The following EXOC4 variants were observed in gnomAD, a reference collection of about 807,000 sequenced individuals.
EXOC4 encodes the protein SEC8-like 1.
EXOC4 carries 71 observed loss-of-function variants against 107.2 expected under a neutral mutation model. That is an observed-to-expected ratio of 0.66 (90% CI 0.55 to 0.81). The LOEUF is 0.81. Among genes scored for constraint, EXOC4 ranks in the 30% least tolerant of loss-of-function variants. EXOC4 has a pLI of 0.00. For missense variants in EXOC4, 1,108 were observed against 1,189.6 expected (o/e 0.93, Z 1.01); for synonymous variants, 456 against 441.2 (o/e 1.03, Z -0.42).
At chr7:133,585,521 G>A (rs1563117101) in intron 9 of EXOC4, among the ~76,000 whole-genome samples, 1 of 152,038 alleles carries the variant, frequency 6.6e-6, no homozygotes, top group Non-Finnish European at 1.5e-5. Context: ...CAGTTACTCG[G>A]AAGGCTGGGT....
chr7:133,803,365 A>T (rs1034002504), intron 10 of EXOC4, among the ~76,000 whole-genome samples: 5 of 152,160 alleles, frequency 3.3e-5, no homozygotes, highest in African/African-American at 1.2e-4. Context: ...TTATTTTTTT[A>T]AATGTACAAA....
chr7:133,414,770 A>G (rs1469724565), intron 7 of EXOC4, among the ~76,000 whole-genome samples: 2 of 152,134 alleles, frequency 1.3e-5, no homozygotes, highest in Non-Finnish European at 2.9e-5. Flanking sequence ...TTTTTGAGAT[A>G]TAAGTTTGAT....
intron 10 of EXOC4, among the ~76,000 whole-genome samples, chr7:133,724,299 G>C (rs1278617696): frequency 6.6e-6 from 1 of 152,152 alleles, no homozygotes; most frequent in Non-Finnish European, 1.5e-5. Context: ...AAAGTTTGAT[G>C]GAGGTCAAGT....
intron 11 of EXOC4, among the ~76,000 whole-genome samples, chr7:133,838,994 A>G (rs1004872159): frequency 5.3e-5 from 8 of 152,202 alleles, no homozygotes; most frequent in Non-Finnish European, 1.0e-4. Context: ...ATATGTCTAC[A>G]TGGGATTGTT....
At chr7:133,559,183 A>G (rs1800760833) in intron 9 of EXOC4, among the ~76,000 whole-genome samples, 1 of 152,130 alleles carries the variant, frequency 6.6e-6, no homozygotes, top group Non-Finnish European at 1.5e-5. Flanking sequence ...TATCCTTTCC[A>G]AGTGTGACAA....
chr7:133,867,603 C>T (rs927344869), intron 11 of EXOC4, among the ~76,000 whole-genome samples: 4 of 152,156 alleles, frequency 2.6e-5, no homozygotes, highest in Non-Finnish European at 5.9e-5. Flanking sequence ...TCTCTCCCCA[C>T]CCCCAACCCC....
intron 13 of EXOC4, among the ~76,000 whole-genome samples, chr7:133,937,630 A>G (rs1800334110): frequency 6.6e-6 from 1 of 152,240 alleles, no homozygotes; most frequent in Non-Finnish European, 1.5e-5. Flanking sequence ...CCGTCACTGT[A>G]TAAATCAGGC....
intron 10 of EXOC4, among the ~76,000 whole-genome samples, chr7:133,769,932 A>G (rs1462987175): frequency 6.6e-6 from 1 of 151,840 alleles, no homozygotes; most frequent in Non-Finnish European, 1.5e-5. Context: ...CGGTTTTGCT[A>G]GCCTCATCTG....
chr7:133,959,711 A>G (rs146243472), intron 14 of EXOC4, among the ~76,000 whole-genome samples: 2 of 152,216 alleles, frequency 1.3e-5, no homozygotes, highest in African/African-American at 2.4e-5. Context: ...AGAAGAAAAA[A>G]AAAATAAAAG....
chr7:133,921,964 G>A (rs753917174), intron 13 of EXOC4, among the ~76,000 whole-genome samples: 9 of 151,644 alleles, frequency 5.9e-5, no homozygotes. Context: ...CATTTCTTCA[G>A]TGTCTCCAGT....
At chr7:133,427,160 G>A (rs754748419) in intron 7 of EXOC4, among the ~76,000 whole-genome samples, 3 of 151,502 alleles carry the variant, frequency 2.0e-5, no homozygotes, top group African/African-American at 4.8e-5. Context: ...TGGATTGTAT[G>A]TCAGGCGCCT....
intron 14 of EXOC4, among the ~76,000 whole-genome samples, chr7:133,982,804 C>G (rs1489069932): frequency 6.6e-6 from 1 of 152,258 alleles, no homozygotes; most frequent in East Asian, 1.9e-4. Context: ...AATATGAACT[C>G]AGGTCAGTCC....
intron 17 of EXOC4, among the ~76,000 whole-genome samples, chr7:134,048,846 G>A (rs17167423): frequency 0.14 from 21,711 of 152,092 alleles, 2,110 homozygotes; most frequent in East Asian, 0.43. Context: ...AAACCTTCTA[G>A]AAGATTGGCG....
intron 17 of EXOC4, among the ~76,000 whole-genome samples, chr7:134,045,907 CATA>C (rs1795639514): frequency 6.6e-6 from 1 of 152,130 alleles, no homozygotes; most frequent in Non-Finnish European, 1.5e-5. Flanking sequence ...TTTCAATTAG[CATA>C]ATATTTTCAA....
At chr7:133,323,747 C>T (rs1294205841) in intron 5 of EXOC4, among the ~76,000 whole-genome samples, 1 of 152,170 alleles carries the variant, frequency 6.6e-6, no homozygotes, top group Admixed American at 6.5e-5. Context: ...GGAGGATTCC[C>T]TCTTTTTCTG....
intron 14 of EXOC4, among the ~76,000 whole-genome samples, chr7:133,951,956 T>C (rs1800701769): frequency 6.6e-6 from 1 of 152,094 alleles, no homozygotes; most frequent in South Asian, 2.1e-4. Context: ...TGTCAGGAGT[T>C]ACTAGCCTGG....
intron 9 of EXOC4, among the ~76,000 whole-genome samples, chr7:133,500,819 A>G (rs918350416): frequency 6.6e-6 from 1 of 152,156 alleles, no homozygotes; most frequent in African/African-American, 2.4e-5. Context: ...GTGGTATCTC[A>G]TTATGGTGGT....
intron 2 of EXOC4, among the ~76,000 whole-genome samples, chr7:133,276,462 T>G (rs75424377): frequency 0.022 from 3,296 of 152,280 alleles, 126 homozygotes; most frequent in African/African-American, 0.075. Context: ...CTCAATGAAT[T>G]TAGAATTTAA....
At chr7:133,797,126 G>A (rs1018486431) in intron 10 of EXOC4, among the ~76,000 whole-genome samples, 2 of 152,148 alleles carry the variant, frequency 1.3e-5, no homozygotes, top group African/African-American at 4.8e-5. Flanking sequence ...AACGTTTGGA[G>A]TTCCTTCTCA....
Sources: allele counts gnomAD v4.1 joint callset (sites outside exome capture counted in the v4.1 genomes callset), GRCh38; gene constraint gnomAD v4.1.1; transcripts MANE v1.5; gene names NCBI Gene and HGNC (gene_info 2026-07-23, HGNC 2026-07-21).